The following NEMP2 variants were observed in gnomAD, a reference collection of about 807,000 sequenced individuals.
The protein encoded by NEMP2 is UPF0571 transmembrane protein.
Under a neutral mutation model 54.2 loss-of-function variants are expected in NEMP2, and 53 were observed. That is an observed-to-expected ratio of 0.98 (90% confidence interval 0.78 to 1.23). NEMP2 has a LOEUF of 1.23. Among genes scored for constraint, NEMP2 ranks in the 50% most tolerant of loss-of-function variants. NEMP2 has a pLI of 0.00. For missense variants in NEMP2, 455 were observed against 511.3 expected, an observed-to-expected ratio of 0.89 and a Z score of 1.06; for synonymous variants, 197 against 190.3, an observed-to-expected ratio of 1.04 and a Z score of -0.29.
In NEMP2 at chr2:190,506,702, T is replaced by TA. The variant is rs1239192943; in HGVS notation, c.*2486dup. ...CCTTTTAAAAATAACACTTGAATGATACGATTGTTTAAGCATAGCCACCTA... is the reference window on the plus strand; with the variant it reads ...CCTTTTAAAAATAACACTTGAATGATAACGATTGTTTAAGCATAGCCACCTA... On this transcript the variant is annotated 3_prime_UTR_variant, in exon 9 of 9. Coordinates refer to ENST00000409150, the MANE Select transcript of NEMP2 (RefSeq NM_001142645.2). The surrounding 1 kb of genome is among the most constrained non-coding windows in gnomAD (Gnocchi z 6.3). The TA allele has an allele frequency of 6.6e-6, 1 of 152,228 alleles. No individual in the cohort carries two copies. Among genetic ancestry groups the TA allele is most frequent in the African/African-American group, 2.4e-5 (1 of 41,454 alleles). The allele number at this position is 152,228 out of a possible 1,614,324, so 9.4% of individuals were successfully genotyped here. A position where few individuals can be genotyped will look rare whatever the true frequency, so the allele number is the denominator to read the frequency against.
Position 190,534,567 on chromosome 2 carries a change from G to A in NEMP2, c.89C>T (p.Ala30Val), listed in dbSNP as rs2125361099. 4 of 1,400,736 alleles carry A rather than the reference G, an allele frequency of 2.9e-6. No individual in the cohort carries two copies. Among genetic ancestry groups the A allele is most frequent in the Non-Finnish European group, 9.2e-7 (1 of 1,081,840 alleles). 86.8% of individuals were successfully genotyped at this position (1,400,736 alleles called of 1,614,324 possible). Residue 30 changes from alanine (A) to valine (V), a missense_variant, in exon 1 of 9, where the codon GCG becomes GTG. Transcript: ENST00000409150. The stretch of plus-strand genomic sequence containing the variant: ...CGCCGGTCCCGGGTTACCTGATAAC[G>A]CTGCCGCCGCCGCCTCCCCGCGCAC... ...LPVRGEAAAA[A>V]LSVRRCKALK...
the NEMP2 span, among the ~76,000 whole-genome samples, chr2:190,566,232 A>G: frequency 6.6e-6 from 1 of 152,266 alleles, no homozygotes. Context: ...AGAGCATTCT[A>G]TGAAGAGAAA....
the NEMP2 span, among the ~76,000 whole-genome samples, chr2:190,577,424 T>C: frequency 2.0e-5 from 3 of 152,200 alleles, no homozygotes; most frequent in Admixed American, 6.5e-5. The surrounding 1 kb of genome is among the most constrained non-coding windows in gnomAD (Gnocchi z 4.8). Flanking sequence ...ACGTAAATAA[T>C]GGCTGTTCTT....
At chr2:190,599,154 G>A in the NEMP2 span, among the ~76,000 whole-genome samples, 1 of 152,100 alleles carries the variant, frequency 6.6e-6, no homozygotes, top group Non-Finnish European at 1.5e-5. Context: ...GTTAACTACT[G>A]CAAAAGTTAT....
chr2:190,441,915 T>C, the NEMP2 span, among the ~76,000 whole-genome samples: 1 of 152,192 alleles, frequency 6.6e-6, no homozygotes, highest in Non-Finnish European at 1.5e-5. Context: ...ACCAAGTCCC[T>C]GAATTAAGTC....
chr2:190,628,024 C>T, the NEMP2 span: 13 of 152,360 alleles, frequency 8.5e-5, no homozygotes, highest in Non-Finnish European at 1.9e-4. This position sits in a 1 kb window ranked among gnomAD's most constrained non-coding sequence, Gnocchi z 4.1. Flanking sequence ...GGCCAGCAGC[C>T]CCCCGCAGTC....
the NEMP2 span, among the ~76,000 whole-genome samples, chr2:190,612,689 C>T: frequency 1.3e-5 from 2 of 152,036 alleles, no homozygotes; most frequent in African/African-American, 4.8e-5. Context: ...AATATTTGAC[C>T]TGCATAATTT....
the NEMP2 span, among the ~76,000 whole-genome samples, chr2:190,576,381 A>G: frequency 6.6e-6 from 1 of 152,168 alleles, no homozygotes; most frequent in African/African-American, 2.4e-5. Context: ...GGTTGGAAAC[A>G]ATGATTTCTA....
At position 190,522,052 on chromosome 2, in the gene NEMP2, T is replaced by G. The variant is rs567856645; in HGVS notation, c.214-2869A>C. On this transcript the variant is annotated intron_variant, in intron 2 of 8. Transcript: ENST00000409150. This position sits in a 1 kb window ranked among gnomAD's most constrained non-coding sequence, Gnocchi z 5.0. ...TACCAGAAACTACTTAAACTGATTGTCTACAAGGGTTGGATAGGAATTAAT... is the reference window on the plus strand; with the variant it reads ...TACCAGAAACTACTTAAACTGATTGGCTACAAGGGTTGGATAGGAATTAAT... Among the ~76,000 whole-genome samples the G allele has an allele frequency of 2.6e-5, 4 of 152,296 alleles. No homozygotes were observed. The highest frequency in any genetic ancestry group is 1.9e-4 in the East Asian group (1 of 5,186).
At chr2:190,618,597 T>C in the NEMP2 span, among the ~76,000 whole-genome samples, 1 of 152,204 alleles carries the variant, frequency 6.6e-6, no homozygotes, top group East Asian at 1.9e-4. Context: ...TTATTTTTAA[T>C]TGAGACAAGT....
the NEMP2 span, chr2:190,469,793 G>A: frequency 8.7e-6 from 14 of 1,600,448 alleles, no homozygotes; most frequent in Non-Finnish European, 1.2e-5. The surrounding 1 kb of genome is among the most constrained non-coding windows in gnomAD (Gnocchi z 5.3). Flanking sequence ...AATACGGCTC[G>A]CTATATTTAT....
At position 190,527,744 on chromosome 2, in the gene NEMP2, T is replaced by C. The variant is rs1158796827; in HGVS notation, c.98-2366A>G. Among the ~76,000 whole-genome samples, 2 of 152,088 alleles carry C rather than the reference T, an allele frequency of 1.3e-5. No homozygotes were observed. Among genetic ancestry groups the C allele is most frequent in the African/African-American group, 4.8e-5 (2 of 41,404 alleles). ...AGCGGTGCGCGAGGCGAGTGATCATTACCACCTGAGCTCCACCTCCTGTCA... is the reference window on the plus strand; with the variant it reads ...AGCGGTGCGCGAGGCGAGTGATCATCACCACCTGAGCTCCACCTCCTGTCA... On this transcript the variant is annotated intron_variant, in intron 1 of 8. Coordinates refer to ENST00000409150, the MANE Select transcript of NEMP2 (RefSeq NM_001142645.2). This position sits in a 1 kb window ranked among gnomAD's most constrained non-coding sequence, Gnocchi z 4.0.
chr2:190,464,743 ATTTG>A, the NEMP2 span: 1 of 178,748 alleles, frequency 5.6e-6, no homozygotes, highest in Non-Finnish European at 1.1e-5. Flanking sequence ...TATTTAACTT[ATTTG>A]TTTATGTGTT....
chr2:190,538,909 G>C (rs1338786098), upstream of NEMP2, among the ~76,000 whole-genome samples: 1 of 152,110 alleles, frequency 6.6e-6, no homozygotes, highest in Non-Finnish European at 1.5e-5. The surrounding 1 kb of genome is among the most constrained non-coding windows in gnomAD (Gnocchi z 4.1). Flanking sequence ...CATTCTATGG[G>C]TTGTCTCTTC....
the NEMP2 span, among the ~76,000 whole-genome samples, chr2:190,482,868 CTTTTTTTTTTTTTTTT>C: frequency 5.7e-3 from 274 of 48,288 alleles, 3 homozygotes; most frequent in Middle Eastern, 8.9e-3. Context: ...AGACTATCAT[CTTTTTTTTTTTTTTTT>C]TTTTTTTTTT....
At chr2:190,526,483 G>A (rs895165185) in intron 1 of NEMP2, among the ~76,000 whole-genome samples, 1 of 152,204 alleles carries the variant, frequency 6.6e-6, no homozygotes, top group African/African-American at 2.4e-5. Flanking sequence ...TGTAAGTAGT[G>A]TGCAATATTA....
At chr2:190,465,009 A>G in the NEMP2 span, 2 of 663,556 alleles carry the variant, frequency 3.0e-6, no homozygotes, top group Non-Finnish European at 1.9e-6. This position sits in a 1 kb window ranked among gnomAD's most constrained non-coding sequence, Gnocchi z 4.6. Flanking sequence ...AGAATGACTC[A>G]TAATTCATTG....
the NEMP2 span, among the ~76,000 whole-genome samples, chr2:190,555,339 G>A: frequency 3.3e-4 from 50 of 152,110 alleles, no homozygotes; most frequent in African/African-American, 1.2e-3. The surrounding 1 kb of genome is among the most constrained non-coding windows in gnomAD (Gnocchi z 4.8). Context: ...TTGACAGAAG[G>A]AGGCTTCAGA....
the NEMP2 span, among the ~76,000 whole-genome samples, chr2:190,549,897 G>A: frequency 1.3e-5 from 2 of 152,162 alleles, no homozygotes; most frequent in Non-Finnish European, 2.9e-5. Flanking sequence ...ATTAATGCTT[G>A]GTTCTACCTG....
Sources: gnomAD v4.1 joint callset for allele counts (sites outside exome capture counted in the v4.1 genomes callset) on GRCh38, gnomAD v4.1.1 for gene constraint, Gnocchi (gnomAD v3.1) non-coding constraint, MANE v1.5 for transcripts, NCBI Gene and HGNC (gene_info 2026-07-23, HGNC 2026-07-21) for gene names.